CAPN9: variants seen among roughly 807,000 people sequenced by gnomAD.
CAPN9 encodes calpain-9.
Under a neutral mutation model 92.8 loss-of-function variants are expected in CAPN9, and 81 were observed. The observed-to-expected ratio is 0.87, with a 90% CI of 0.73 to 1.05. The LOEUF is 1.05. Among genes scored for constraint, CAPN9 ranks in the 50% least tolerant of loss-of-function variants. The pLI, the probability that CAPN9 is intolerant of heterozygous loss-of-function variation, is 0.00. For missense variants in CAPN9, 848 were observed against 866.2 expected (o/e 0.98, Z 0.26); for synonymous variants, 304 against 328.0 (o/e 0.93, Z 0.79).
intron 4 of CAPN9, 129 bp downstream of exon 4, chr1:230,762,915 A>T (rs1665738285): frequency 4.1e-6 from 4 of 984,484 alleles, no homozygotes; most frequent in Non-Finnish European, 4.3e-6. Context: ...GGCAGGACCC[A>T]ACCCTCTCAG....
chr1:230,786,141 A>G (rs921426067), intron 12 of CAPN9, 124 bp downstream of exon 12: 1 of 1,583,612 alleles, frequency 6.3e-7, no homozygotes, highest in African/African-American at 1.3e-5. Context: ...TCAAGTAAGC[A>G]TCTATGATTC....
intron 1 of CAPN9, among the ~76,000 whole-genome samples, chr1:230,749,439 C>T (rs961687622): frequency 1.3e-5 from 2 of 152,218 alleles, no homozygotes; most frequent in Non-Finnish European, 2.9e-5. Context: ...TTTCCGGCCT[C>T]GGCGCATGAA....
At chr1:230,798,798 G>T (rs1005001464) in intron 19 of CAPN9, among the ~76,000 whole-genome samples, 1 of 152,176 alleles carries the variant, frequency 6.6e-6, no homozygotes, top group Non-Finnish European at 1.5e-5. Flanking sequence ...AGGTCCATGG[G>T]CCAGCAGCAG....
At chr1:230,798,061 T>C (rs1204833095) in intron 18 of CAPN9, 101 bp from the exon 19 acceptor site, 1 of 813,254 alleles carries the variant, frequency 1.2e-6, no homozygotes, top group African/African-American at 1.7e-5. Flanking sequence ...ATGGAGCAGC[T>C]TCCCCACAGG....
In CAPN9 at chr1:230,792,514, G is replaced by A. The variant is rs955980050; in HGVS notation, c.1791+20G>A. The A allele has an allele frequency of 6.2e-7, 1 of 1,604,648 alleles. No homozygotes were observed. Reference sequence around the variant, plus strand: ...TGGATTGTATGTAACCTGGAGCAGGGCTTGGCCTCTGGGGGACCCAGTGAA... The same window carrying A: ...TGGATTGTATGTAACCTGGAGCAGGACTTGGCCTCTGGGGGACCCAGTGAA... On this transcript the variant is annotated intron_variant, in intron 16 of 19. Transcript: ENST00000271971.
intron 12 of CAPN9, 123 bp downstream of exon 12, chr1:230,786,140 C>A: frequency 6.3e-7 from 1 of 1,583,994 alleles, no homozygotes; most frequent in Non-Finnish European, 8.6e-7. Flanking sequence ...ATCAAGTAAG[C>A]ATCTATGATT....
chr1:230,794,481 C>CA lies in CAPN9; in HGVS notation c.1871-671dup, dbSNP rs1049589160. Among the ~76,000 whole-genome samples the CA allele has an allele frequency of 2.4e-3, 346 of 147,074 alleles. 2 individuals carry two copies. Among genetic ancestry groups the CA allele is most frequent in the Middle Eastern group, 0.01 (3 of 288 alleles). On this transcript the variant is annotated intron_variant, in intron 17 of 19. Transcript: ENST00000271971. ...GGGCAACAAGAGTGAAACTCCATCT[C>CA]AAAAAAAAAAATCTAAATATCAAAT... is the stretch of plus-strand genomic sequence containing the variant.
intron 7 of CAPN9, 90 bp downstream of exon 7, chr1:230,772,189 C>G: frequency 1.9e-6 from 2 of 1,048,430 alleles, no homozygotes; most frequent in South Asian, 2.6e-5. Flanking sequence ...AGTGGCCTGT[C>G]TACTATCCTC....
At chr1:230,747,753 T>C (rs6690254) in intron 1 of CAPN9, 44 bp downstream of exon 1, 1,005,413 of 1,576,402 alleles carry the variant, frequency 0.64, 327,722 homozygotes, top group Non-Finnish European at 0.68. Flanking sequence ...GAGGCCGAGG[T>C]TCAGCAGCCC....
chr1:230,774,008 T>A (rs1350413557), intron 7 of CAPN9, among the ~76,000 whole-genome samples: 1 of 152,172 alleles, frequency 6.6e-6, no homozygotes, highest in Non-Finnish European at 1.5e-5. Flanking sequence ...ACCTGAGCCC[T>A]CTTATCTGCA....
chr1:230,777,690 C>T (rs957999867), intron 8 of CAPN9, among the ~76,000 whole-genome samples: 6 of 150,812 alleles, frequency 4.0e-5, no homozygotes, highest in Admixed American at 3.9e-4. Flanking sequence ...ACCCCACTAA[C>T]CCTGATCTTG....
chr1:230,801,101 G>A (rs942033679), intron 19 of CAPN9, among the ~76,000 whole-genome samples: 3 of 152,140 alleles, frequency 2.0e-5, no homozygotes, highest in African/African-American at 7.2e-5. Context: ...GAGAAAATGA[G>A]GAGGAATTCC....
chr1:230,780,157 A>G, intron 9 of CAPN9, 22 bp from the exon 10 acceptor site: 1 of 1,605,426 alleles, frequency 6.2e-7, no homozygotes, highest in Middle Eastern at 1.7e-4. Context: ...GGGGAAAATA[A>G]TCTACCTCTC....
At chr1:230,785,454 A>G (rs927675022) in intron 11 of CAPN9, among the ~76,000 whole-genome samples, 1 of 152,224 alleles carries the variant, frequency 6.6e-6, no homozygotes, top group East Asian at 1.9e-4. Context: ...TGTTTGGGTC[A>G]TGGGGGCGGA....
At position 230,769,129 on chromosome 1, in the gene CAPN9, G is replaced by A. The variant is rs765042430; in HGVS notation, c.706-51G>A. 4.2e-6 allele frequency: 6 copies of A among 1,444,184 alleles called. No individual in the cohort carries two copies. The South Asian group carries it at 5.8e-5, about 14-fold the overall frequency. 89.5% of individuals were successfully genotyped at this position (1,444,184 alleles called of 1,614,324 possible). ...CATGTAGCTGGGTCTGATCCAGCAG[G>A]GGAGGCTTGACTTAGACGGTGGGTG... On this transcript the variant is annotated intron_variant, in intron 5 of 19. Coordinates refer to ENST00000271971, the MANE Select transcript of CAPN9 (RefSeq NM_006615.3).
At chr1:230,778,868 G>C in intron 8 of CAPN9, 105 bp from the exon 9 acceptor site, 2 of 1,101,772 alleles carry the variant, frequency 1.8e-6, no homozygotes, top group Non-Finnish European at 2.6e-6. Flanking sequence ...TTGCGGACAG[G>C]AACAAGATGA....
intron 8 of CAPN9, among the ~76,000 whole-genome samples, chr1:230,778,085 T>C (rs1392552292): frequency 1.3e-5 from 2 of 152,148 alleles, no homozygotes; most frequent in African/African-American, 4.8e-5. Flanking sequence ...CACATTCACG[T>C]GCCCAAACCT....
At chr1:230,750,141 G>GTT (rs1664673547) in intron 1 of CAPN9, among the ~76,000 whole-genome samples, 1 of 152,046 alleles carries the variant, frequency 6.6e-6, no homozygotes, top group African/African-American at 2.4e-5. Flanking sequence ...TGCCCCAAAC[G>GTT]CTGGGTGAGG....
At chr1:230,765,598 G>A (rs1454467346) in intron 4 of CAPN9, among the ~76,000 whole-genome samples, 1 of 152,156 alleles carries the variant, frequency 6.6e-6, no homozygotes, top group Non-Finnish European at 1.5e-5. Context: ...GGTAGAGGTT[G>A]CAGTAAGCCG....
Sources: allele counts gnomAD v4.1 joint callset (sites outside exome capture counted in the v4.1 genomes callset), GRCh38; gene constraint gnomAD v4.1.1; transcripts MANE v1.5; gene names NCBI Gene and HGNC (gene_info 2026-07-23, HGNC 2026-07-21).